FGGY: variants seen among roughly 807,000 people sequenced by gnomAD.
FGGY encodes the protein FGGY carbohydrate kinase domain containing.
In FGGY, 72 loss-of-function variants were observed where a neutral mutation model predicts 71.3. That is an observed-to-expected ratio of 1.01 (90% CI 0.84 to 1.23). The LOEUF (loss-of-function observed/expected upper bound fraction) is 1.23, where lower values mean the gene tolerates loss of function less well. Ranked by LOEUF, FGGY falls within the 50% of genes most tolerant of loss-of-function variation. The pLI is 0.00. For synonymous variants in FGGY, 251 were observed against 250.3 expected, an observed-to-expected ratio of 1.00 and a Z score of -0.02; for missense variants, 668 against 682.3, an observed-to-expected ratio of 0.98 and a Z score of 0.23.
At chr1:59,595,809 ATTC>A (rs1335592908) in intron 8 of FGGY, among the ~76,000 whole-genome samples, 2 of 152,176 alleles carry the variant, frequency 1.3e-5, no homozygotes, top group Non-Finnish European at 2.9e-5. Flanking sequence ...TCTTCCTTTT[ATTC>A]TTCTAAAGAA....
intron 6 of FGGY, among the ~76,000 whole-genome samples, chr1:59,472,650 C>T (rs1027631632): frequency 3.9e-5 from 6 of 152,224 alleles, no homozygotes; most frequent in South Asian, 4.1e-4. Flanking sequence ...ACACACCAAT[C>T]GGCACCCTGT....
intron 14 of FGGY, among the ~76,000 whole-genome samples, chr1:59,720,075 C>T (rs1029037052): frequency 6.6e-6 from 1 of 152,108 alleles, no homozygotes; most frequent in African/African-American, 2.4e-5. Flanking sequence ...GTTCTCGTGC[C>T]TTTGTTAGCA....
At chr1:59,482,470 A>G (rs988133348) in intron 6 of FGGY, among the ~76,000 whole-genome samples, 3 of 152,224 alleles carry the variant, frequency 2.0e-5, no homozygotes, top group Admixed American at 6.5e-5. Context: ...AAGAGGCTGC[A>G]TATTTATATA....
chr1:59,310,110 T>G (rs910316799), intron 1 of FGGY: 1 of 152,240 alleles, frequency 6.6e-6, no homozygotes, highest in Non-Finnish European at 1.5e-5. Flanking sequence ...GAATGGATTT[T>G]GTTGCTTTAT....
intron 14 of FGGY, among the ~76,000 whole-genome samples, chr1:59,754,148 A>T (rs1203340879): frequency 6.6e-6 from 1 of 152,186 alleles, no homozygotes; most frequent in African/African-American, 2.4e-5. Flanking sequence ...AAGAAAAGTT[A>T]GTGGTGTAGG....
At chr1:59,460,556 C>G (rs976049149) in intron 6 of FGGY, among the ~76,000 whole-genome samples, 1 of 152,206 alleles carries the variant, frequency 6.6e-6, no homozygotes, top group Admixed American at 6.5e-5. Context: ...CAGTGGTTCT[C>G]CCAGCACAGT....
At chr1:59,759,102 C>T (rs1047389049) in intron 15 of FGGY, among the ~76,000 whole-genome samples, 4 of 152,120 alleles carry the variant, frequency 2.6e-5, no homozygotes, top group African/African-American at 7.2e-5. Context: ...TGTGGAAGTG[C>T]TTTTATAATT....
intron 12 of FGGY, among the ~76,000 whole-genome samples, chr1:59,665,732 G>C (rs537094114): frequency 4.6e-5 from 7 of 151,812 alleles, no homozygotes; most frequent in African/African-American, 1.7e-4. Flanking sequence ...GGAGTGCAAT[G>C]GTGTGATCTC....
intron 7 of FGGY, among the ~76,000 whole-genome samples, chr1:59,528,157 G>A (rs116532874): frequency 6.6e-6 from 1 of 152,320 alleles, no homozygotes; most frequent in Non-Finnish European, 1.5e-5. Context: ...AAAACTGTCT[G>A]TACATAATCC....
At chr1:59,610,543 T>C (rs1042662144) in intron 9 of FGGY, among the ~76,000 whole-genome samples, 5 of 152,236 alleles carry the variant, frequency 3.3e-5, no homozygotes, top group Non-Finnish European at 7.3e-5. Context: ...AGTTCCAAGA[T>C]GGCCGAATAG....
intron 7 of FGGY, among the ~76,000 whole-genome samples, chr1:59,526,059 T>C (rs1164336073): frequency 6.6e-6 from 1 of 152,250 alleles, no homozygotes; most frequent in East Asian, 1.9e-4. Context: ...TGTTTATGTG[T>C]ACATTTATGT....
At chr1:59,492,611 C>G (rs1393613464) in intron 6 of FGGY, among the ~76,000 whole-genome samples, 1 of 151,948 alleles carries the variant, frequency 6.6e-6, no homozygotes, top group Non-Finnish European at 1.5e-5. Context: ...TTCACTAAAT[C>G]CTCCTTTTTC....
chr1:59,427,220 C>T (rs528568742), intron 5 of FGGY, among the ~76,000 whole-genome samples: 14 of 152,320 alleles, frequency 9.2e-5, no homozygotes, highest in African/African-American at 1.2e-4. Context: ...GCACCCAGGA[C>T]GGAGGTGAAG....
At chr1:59,563,211 C>G (rs1413393917) in intron 8 of FGGY, among the ~76,000 whole-genome samples, 1 of 152,176 alleles carries the variant, frequency 6.6e-6, no homozygotes, top group Non-Finnish European at 1.5e-5. Flanking sequence ...TTTGCCCACT[C>G]ACTATGATAT....
chr1:59,477,819 G>A (rs549206603), intron 6 of FGGY, among the ~76,000 whole-genome samples: 1 of 152,260 alleles, frequency 6.6e-6, no homozygotes, highest in South Asian at 2.1e-4. Context: ...TAAATTGAAA[G>A]CACAGAAACT....
chr1:59,424,928 TCA>T (rs1389861199), intron 5 of FGGY, among the ~76,000 whole-genome samples: 2 of 152,114 alleles, frequency 1.3e-5, no homozygotes, highest in Non-Finnish European at 1.5e-5. Flanking sequence ...CTTCAGAGAG[TCA>T]CAGTTTTAGA....
intron 14 of FGGY, among the ~76,000 whole-genome samples, chr1:59,711,137 C>T (rs988430233): frequency 7.2e-5 from 11 of 152,096 alleles, no homozygotes; most frequent in Admixed American, 6.6e-5. Flanking sequence ...TCATGTCCTT[C>T]GCAGAGACAT....
intron 14 of FGGY, among the ~76,000 whole-genome samples, chr1:59,730,903 T>C (rs1041534558): frequency 6.6e-6 from 1 of 152,192 alleles, no homozygotes; most frequent in African/African-American, 2.4e-5. Flanking sequence ...AGTGATTTAC[T>C]TAACCCACCT....
intron 10 of FGGY, among the ~76,000 whole-genome samples, chr1:59,632,214 AT>A (rs2096914451): frequency 6.6e-6 from 1 of 152,246 alleles, no homozygotes; most frequent in East Asian, 1.9e-4. Flanking sequence ...TATGCATACT[AT>A]ATACATATAC....
Sources: allele counts gnomAD v4.1 joint callset (sites outside exome capture counted in the v4.1 genomes callset), GRCh38; gene constraint gnomAD v4.1.1; transcripts MANE v1.5; gene names NCBI Gene and HGNC (gene_info 2026-07-23, HGNC 2026-07-21).